PCDH15: variants seen among roughly 807,000 people sequenced by gnomAD.
PCDH15 encodes protocadherin-15.
Under a neutral mutation model 178.5 loss-of-function variants are expected in PCDH15, and 129 were observed. That is an observed-to-expected ratio of 0.72 (90% CI 0.63 to 0.84). PCDH15 has a LOEUF of 0.84. PCDH15 is among the 40% of genes least tolerant of loss of function. PCDH15 has a pLI of 0.00. For missense variants in PCDH15, 2,230 were observed against 2,099.9 expected (o/e 1.06, Z -1.21); for synonymous variants, 800 against 732.0 (o/e 1.09, Z -1.50).
intron 15 of PCDH15, among the ~76,000 whole-genome samples, chr10:54,111,716 G>A (rs1457529822): frequency 6.6e-6 from 1 of 151,910 alleles, no homozygotes; most frequent in East Asian, 1.9e-4. Flanking sequence ...AAATCTAAAA[G>A]CACAGCAGAT....
chr10:54,820,680 C>T (rs190690511), intron 3 of PCDH15, among the ~76,000 whole-genome samples: 78 of 152,072 alleles, frequency 5.1e-4, no homozygotes, highest in South Asian at 1.0e-3. Context: ...TAAAGCAATG[C>T]GTAGTTAAAG....
intron 2 of PCDH15, among the ~76,000 whole-genome samples, chr10:55,582,576 G>T: frequency 7.7e-6 from 1 of 130,378 alleles, no homozygotes; most frequent in African/African-American, 2.9e-5. Flanking sequence ...ATTCAAACTG[G>T]CTATTCTGTA....
At chr10:54,053,390 G>A (rs373215818) in intron 18 of PCDH15, among the ~76,000 whole-genome samples, 3 of 152,182 alleles carry the variant, frequency 2.0e-5, no homozygotes, top group African/African-American at 2.4e-5. Context: ...TAAGCCAAGC[G>A]TTGGGCTATG....
chr10:55,078,695 T>A (rs1211188608), intron 2 of PCDH15, among the ~76,000 whole-genome samples: 1 of 152,040 alleles, frequency 6.6e-6, no homozygotes, highest in African/African-American at 2.4e-5. Context: ...TTTTTTAGTG[T>A]TGATTTCTGA....
At chr10:55,128,466 T>A (rs563806608) in intron 2 of PCDH15, among the ~76,000 whole-genome samples, 4 of 152,192 alleles carry the variant, frequency 2.6e-5, no homozygotes, top group African/African-American at 9.6e-5. Context: ...TGCTCTCTCA[T>A]GTAGCTTAGA....
intron 3 of PCDH15, among the ~76,000 whole-genome samples, chr10:54,830,238 ATACC>A (rs1953200501): frequency 6.6e-6 from 1 of 152,326 alleles, no homozygotes; most frequent in Admixed American, 6.5e-5. Flanking sequence ...TACTGGGTAT[ATACC>A]TAAAGGATTA....
intron 5 of PCDH15, among the ~76,000 whole-genome samples, chr10:54,358,614 G>A (rs897925872): frequency 6.6e-6 from 1 of 151,634 alleles, no homozygotes; most frequent in Non-Finnish European, 1.5e-5. Flanking sequence ...GATTCCTCAG[G>A]GATCTAGAAC....
chr10:54,341,566 G>A (rs940894345), intron 6 of PCDH15, among the ~76,000 whole-genome samples: 1 of 152,182 alleles, frequency 6.6e-6, no homozygotes, highest in Non-Finnish European at 1.5e-5. Flanking sequence ...TTGGTACTGG[G>A]ATAGTGGAGT....
intron 3 of PCDH15, among the ~76,000 whole-genome samples, chr10:54,381,175 T>A (rs925237550): frequency 1.3e-5 from 2 of 151,946 alleles, no homozygotes; most frequent in African/African-American, 4.8e-5. Flanking sequence ...AGGAGCAATA[T>A]ACATATTTTT....
At chr10:55,523,741 G>A (rs1841238511) in intron 2 of PCDH15, among the ~76,000 whole-genome samples, 1 of 151,500 alleles carries the variant, frequency 6.6e-6, no homozygotes, top group Admixed American at 6.6e-5. Flanking sequence ...GGCGAATCAT[G>A]ACAATGCTAA....
In PCDH15 at chr10:54,116,526, T is replaced by C. The variant is rs578209881; in HGVS notation, c.1917+16349A>G. 2.0e-3 allele frequency among the ~76,000 whole-genome samples: 310 copies of C among 152,334 alleles called. 1 individual carries two copies. The highest frequency in any genetic ancestry group is 3.0e-3 in the Non-Finnish European group (207 of 68,036). On this transcript the variant is annotated intron_variant, in intron 15 of 37. Transcript: ENST00000644397. ...ATGATCAGGTAGAGCAATGGATGCTTATGATGTAAGAAGCACATAGGGAAA... is the reference window on the plus strand; with the variant it reads ...ATGATCAGGTAGAGCAATGGATGCTCATGATGTAAGAAGCACATAGGGAAA...
At chr10:54,711,326 T>C (rs2095426276) in intron 1 of PCDH15, among the ~76,000 whole-genome samples, 1 of 152,132 alleles carries the variant, frequency 6.6e-6, no homozygotes, top group Non-Finnish European at 1.5e-5. Context: ...ACATATCTTT[T>C]GAATGCTGAT....
chr10:54,125,405 T>C (rs1201450461), intron 15 of PCDH15, among the ~76,000 whole-genome samples: 6 of 152,170 alleles, frequency 3.9e-5, no homozygotes, highest in Non-Finnish European at 8.8e-5. Context: ...ACTTTCTGTA[T>C]AATAATTTTA....
intron 1 of PCDH15, among the ~76,000 whole-genome samples, chr10:54,789,404 C>T (rs990545878): frequency 1.3e-5 from 2 of 151,660 alleles, no homozygotes; most frequent in African/African-American, 4.8e-5. Context: ...TATTAAATTG[C>T]ACTGCAGCGG....
intron 3 of PCDH15, among the ~76,000 whole-genome samples, chr10:54,843,067 A>G (rs1321669935): frequency 6.6e-6 from 1 of 151,970 alleles, no homozygotes; most frequent in African/African-American, 2.4e-5. Flanking sequence ...CACATTTCAA[A>G]TAGTTTTCAA....
chr10:54,569,005 T>C (rs188530026), intron 2 of PCDH15, among the ~76,000 whole-genome samples: 52 of 152,028 alleles, frequency 3.4e-4, no homozygotes, highest in African/African-American at 1.2e-3. Flanking sequence ...GAATAATCTA[T>C]AAAAATTGCT....
intron 3 of PCDH15, among the ~76,000 whole-genome samples, chr10:54,507,159 T>C (rs940163109): frequency 1.3e-5 from 2 of 151,958 alleles, no homozygotes; most frequent in Admixed American, 6.6e-5. Context: ...GAAGCATTTG[T>C]CTTGCACTTT....
At chr10:55,120,816 T>C (rs1837747539) in intron 2 of PCDH15, among the ~76,000 whole-genome samples, 1 of 152,152 alleles carries the variant, frequency 6.6e-6, no homozygotes, top group African/African-American at 2.4e-5. Context: ...AAAGCAGAAT[T>C]AGTAAATCTT....
intron 2 of PCDH15, among the ~76,000 whole-genome samples, chr10:55,057,955 A>G (rs912154353): frequency 6.6e-5 from 10 of 152,074 alleles, no homozygotes; most frequent in African/African-American, 1.9e-4. Context: ...TCATATTACC[A>G]GGTTTTAAAT....
Sources: allele counts gnomAD v4.1 joint callset (sites outside exome capture counted in the v4.1 genomes callset), GRCh38; gene constraint gnomAD v4.1.1; transcripts MANE v1.5; gene names NCBI Gene and HGNC (gene_info 2026-07-23, HGNC 2026-07-21).